NUP98: variants seen among roughly 807,000 people sequenced by gnomAD.
NUP98 encodes nuclear pore complex protein Nup98-Nup96.
A neutral mutation model predicts 191.9 loss-of-function variants in NUP98; 26 were observed. That is an observed-to-expected ratio of 0.14 (90% confidence interval 0.10 to 0.19). The LOEUF is 0.19. Ranked by LOEUF, NUP98 falls within the 10% of genes least tolerant of loss-of-function variation. The pLI is 1.00. For synonymous variants in NUP98, 808 were observed against 778.4 expected, an observed-to-expected ratio of 1.04 and a Z score of -0.63; for missense variants, 1,941 against 2,178.8, an observed-to-expected ratio of 0.89 and a Z score of 2.17.
At chr11:3,688,820 C>A (rs12798884) in intron 28 of NUP98, among the ~76,000 whole-genome samples, 1 of 136,272 alleles carries the variant, frequency 7.3e-6, no homozygotes. Context: ...TTTAAATATA[C>A]ATATATATAT....
intron 10 of NUP98, 29 bp downstream of exon 10, chr11:3,760,510 G>T: frequency 1.2e-6 from 2 of 1,614,062 alleles, no homozygotes; most frequent in Non-Finnish European, 1.7e-6. Flanking sequence ...TGTTTGTATT[G>T]GTTCCTAAAG....
At chr11:3,704,919 G>A (rs943816681) in intron 22 of NUP98, among the ~76,000 whole-genome samples, 1 of 152,196 alleles carries the variant, frequency 6.6e-6, no homozygotes, top group Non-Finnish European at 1.5e-5. Context: ...TGAGACAGGA[G>A]GACTGCTTGA....
chr11:3,699,297 T>G lies in NUP98; in HGVS notation c.3794A>C (p.His1265Pro). The G allele has an allele frequency of 6.2e-7, 1 of 1,614,202 alleles. No homozygotes were observed. Among genetic ancestry groups the G allele is most frequent in the Non-Finnish European group, 8.5e-7 (1 of 1,180,038 alleles). Residue 1265 changes from histidine (H) to proline (P), a missense_variant, in exon 25 of 33, where the codon CAC becomes CCC. Physicochemically the swap from His to Pro is moderately conservative, Grantham distance 77 (BLOSUM62 -2). Coordinates refer to ENST00000324932, the MANE Select transcript of NUP98 (RefSeq NM_016320.5). ...TAGCTGGCTGTCAAGCTCCTTCAGG[T>G]GGCCCCATAGGGCTTCACATAGTGT... ...TWTLCEALWG[H>P]LKELDSQLNE...
At chr11:3,719,374 T>C (rs758729157) in intron 18 of NUP98, 38 bp downstream of exon 18, 4 of 1,552,288 alleles carry the variant, frequency 2.6e-6, no homozygotes, top group Non-Finnish European at 3.5e-6. Flanking sequence ...AAAATTGTGA[T>C]TTAGCTGATA....
chr11:3,761,186 A>G (rs779430829), intron 9 of NUP98, among the ~76,000 whole-genome samples: 51 of 152,346 alleles, frequency 3.3e-4, no homozygotes, highest in Non-Finnish European at 6.2e-4. Flanking sequence ...TGACTATGGC[A>G]TTTCTTTTTG....
chr11:3,683,282 G>A lies in NUP98; in HGVS notation c.4836C>T (p.Asp1612=). Residue 1612 remains aspartate (D), a synonymous_variant, in exon 30 of 33, where the codon GAC becomes GAT. Transcript: ENST00000324932. ...AKAVRAHMES[D]KHLEALCLFK... is the part of the protein sequence containing the mutation. ...ATAAGCAAAGGGCCTCTAAGTGCTTGTCAGATTCCATGTGTGCTCGCACAG... is the reference window on the plus strand; with the variant it reads ...ATAAGCAAAGGGCCTCTAAGTGCTTATCAGATTCCATGTGTGCTCGCACAG... The A allele has an allele frequency of 6.2e-7, 1 of 1,614,194 alleles. No individual in the cohort carries two copies. Among genetic ancestry groups the A allele is most frequent in the South Asian group, 1.1e-5 (1 of 91,088 alleles).
In NUP98 at chr11:3,713,949, A is replaced by T; in HGVS notation, c.2446T>A (p.Ser816Thr). 6.2e-7 allele frequency: 1 copy of T among 1,614,062 alleles called. No individual in the cohort carries two copies. The highest frequency in any genetic ancestry group is 8.5e-7 in the Non-Finnish European group (1 of 1,180,002). The change falls in exon 19 of 33, where the codon TCT becomes ACT. Residue 816 changes from serine (S) to threonine (T), a missense_variant. This residue lies in a region of NUP98 where 95 missense variants were observed against 139.7 expected (regional missense o/e 0.68). Transcript: ENST00000324932. ...LDGVWPTDKT[S>T]RCLIKSPDRL... is the part of the protein sequence containing the mutation. ...TCTGGGCTCTTTATTAAACAACGAGATGTTTTATCTGTTGGCCAAACTCCA... is the reference window on the plus strand; with the variant it reads ...TCTGGGCTCTTTATTAAACAACGAGTTGTTTTATCTGTTGGCCAAACTCCA...
chr11:3,712,131 T>A (rs1018605666), intron 20 of NUP98: 5 of 1,060,320 alleles, frequency 4.7e-6, no homozygotes, highest in Non-Finnish European at 5.7e-6. Flanking sequence ...TTTAAAAAAA[T>A]GGAGATTAAA....
intron 4 of NUP98, 35 bp downstream of exon 4, chr11:3,778,838 T>C: frequency 6.3e-7 from 1 of 1,588,054 alleles, no homozygotes; most frequent in Non-Finnish European, 8.6e-7. Flanking sequence ...CAAACCAAAT[T>C]ATTAGATGCA....
chr11:3,794,690 C>G (rs900810409), intron 1 of NUP98, among the ~76,000 whole-genome samples: 2 of 152,168 alleles, frequency 1.3e-5, no homozygotes, highest in African/African-American at 4.8e-5. Flanking sequence ...AATCACAGCA[C>G]TGCAGTCTCA....
intron 11 of NUP98, among the ~76,000 whole-genome samples, chr11:3,753,013 T>C (rs1204241370): frequency 6.6e-6 from 1 of 152,190 alleles, no homozygotes; most frequent in African/African-American, 2.4e-5. Context: ...AAAAGTAACA[T>C]GGGGAAACTG....
intron 19 of NUP98, among the ~76,000 whole-genome samples, 189 bp from the exon 20 acceptor site, chr11:3,712,917 G>T (rs1243703798): frequency 6.6e-6 from 1 of 152,156 alleles, no homozygotes; most frequent in Non-Finnish European, 1.5e-5. Flanking sequence ...GTATGCTCTA[G>T]TTGCTCATAC....
rs374758567 is a variant in NUP98 at position 3,683,612 on chromosome 11, C to A, written c.4677-171G>T. On this transcript the variant is annotated intron_variant, in intron 29 of 32. Coordinates refer to ENST00000324932, the MANE Select transcript of NUP98 (RefSeq NM_016320.5). Reference sequence around the variant, plus strand: ...GGAGTGCAATGGTGTCATCTTGGCTCACGGCAAATTCCACCTCCCAGGTTC... The same window carrying A: ...GGAGTGCAATGGTGTCATCTTGGCTAACGGCAAATTCCACCTCCCAGGTTC... Among the ~76,000 whole-genome samples, 838 of 151,838 alleles carry A rather than the reference C, an allele frequency of 5.5e-3. 3 individuals carry two copies. Among genetic ancestry groups the A allele is most frequent in the Non-Finnish European group, 7.2e-3 (491 of 67,988 alleles).
chr11:3,781,316 G>C (rs1589959991), intron 2 of NUP98: 1 of 151,666 alleles, frequency 6.6e-6, no homozygotes, highest in South Asian at 2.1e-4. Context: ...AATGCTGATT[G>C]TTAAAGTTGG....
chr11:3,774,919 TA>T (rs2081659018), intron 5 of NUP98, among the ~76,000 whole-genome samples: 1 of 152,212 alleles, frequency 6.6e-6, no homozygotes, highest in Non-Finnish European at 1.5e-5. Flanking sequence ...TTAACCAATT[TA>T]CCTGACAAAT....
intron 28 of NUP98, among the ~76,000 whole-genome samples, chr11:3,689,078 A>G (rs751626067): frequency 7.3e-5 from 11 of 151,572 alleles, no homozygotes; most frequent in Non-Finnish European, 1.3e-4. Flanking sequence ...CAAAAAATAC[A>G]AGAATTAGCT....
intron 12 of NUP98, among the ~76,000 whole-genome samples, chr11:3,735,631 T>C (rs1342237609): frequency 6.6e-6 from 1 of 152,100 alleles, no homozygotes; most frequent in Non-Finnish European, 1.5e-5. Flanking sequence ...CCTGATGAAA[T>C]ATTTTATGCA....
chr11:3,685,730 G>T (rs760105068), intron 29 of NUP98, among the ~76,000 whole-genome samples: 1 of 152,182 alleles, frequency 6.6e-6, no homozygotes, highest in African/African-American at 2.4e-5. Context: ...AGACTGCTGA[G>T]AGACTTTGTG....
intron 23 of NUP98, among the ~76,000 whole-genome samples, chr11:3,701,384 C>G (rs1233028675): frequency 1.3e-5 from 2 of 151,208 alleles, no homozygotes; most frequent in Admixed American, 1.3e-4. Flanking sequence ...GCCTCAGTCT[C>G]CTGAGTAGCT....
Sources: allele counts gnomAD v4.1 joint callset (sites outside exome capture counted in the v4.1 genomes callset), GRCh38; gene constraint gnomAD v4.1.1; regional missense constraint gnomAD v4.1.1; transcripts MANE v1.5; gene names NCBI Gene and HGNC (gene_info 2026-07-23, HGNC 2026-07-21).